The following EFR3A variants were observed in gnomAD, a reference collection of about 807,000 sequenced individuals.
EFR3A encodes the protein protein EFR3 homolog A.
Under a neutral mutation model 104.4 loss-of-function variants are expected in EFR3A, and 76 were observed. The ratio of observed to expected loss-of-function variants is 0.73; its 90% confidence interval spans 0.60 to 0.88. The LOEUF (loss-of-function observed/expected upper bound fraction) is 0.88, where lower values mean the gene tolerates loss of function less well. EFR3A is among the 40% of genes least tolerant of loss of function. The pLI is 0.00. For missense variants in EFR3A, 985 were observed against 1,012.5 expected, an observed-to-expected ratio of 0.97 and a Z score of 0.37; for synonymous variants, 330 against 330.0, an observed-to-expected ratio of 1.00 and a Z score of 0.00.
chr8:131,985,005 T>G lies in EFR3A; in HGVS notation c.1814T>G (p.Leu605Arg). 6.2e-7 allele frequency: 1 copy of G among 1,613,678 alleles called. No individual in the cohort carries two copies. Residue 605 changes from leucine to arginine, a missense_variant, in exon 16 of 23, where the codon CTC (leucine) becomes CGC (arginine). Coordinates refer to ENST00000254624, the MANE Select transcript of EFR3A (RefSeq NM_015137.6). ...CGIMALVAAYLNFVSQMIAVP... is the reference protein window; with the variant it reads ...CGIMALVAAYRNFVSQMIAVP... The stretch of plus-strand genomic sequence containing the variant: ...ATCATGGCACTGGTTGCAGCATACC[T>G]CAACTTTGTAAGTCAGATGATAGCT...
intron 17 of EFR3A, 76 bp from the exon 18 acceptor site, chr8:131,987,499 G>C (rs1300599578): frequency 1.4e-6 from 2 of 1,438,178 alleles, no homozygotes; most frequent in African/African-American, 2.9e-5. Flanking sequence ...CTTTTGCTCT[G>C]GAATGTTTTG....
At chr8:131,950,115 C>A (rs201082963) in intron 5 of EFR3A, 25 bp downstream of exon 5, 53 of 1,566,258 alleles carry the variant, frequency 3.4e-5, no homozygotes, top group Non-Finnish European at 4.1e-5. Context: ...ACTTTATGAT[C>A]TATAGTAAGT....
At chr8:131,943,356 T>C (rs10956625) in intron 2 of EFR3A, among the ~76,000 whole-genome samples, 74,563 of 151,804 alleles carry the variant, frequency 0.49, 18,491 homozygotes, top group Middle Eastern at 0.57. Context: ...TAGATTATTC[T>C]TCAATAAAAT....
intron 19 of EFR3A, among the ~76,000 whole-genome samples, chr8:131,996,972 A>C (rs920093875): frequency 6.6e-6 from 1 of 152,092 alleles, no homozygotes; most frequent in Non-Finnish European, 1.5e-5. Flanking sequence ...AAAATGTTTT[A>C]ATTATTTTGG....
chr8:131,955,735 T>A, intron 6 of EFR3A, 33 bp from the exon 7 acceptor site: 1 of 1,585,810 alleles, frequency 6.3e-7, no homozygotes, highest in South Asian at 1.2e-5. Flanking sequence ...ATTAAAATTC[T>A]TGTGTTTTTC....
intron 6 of EFR3A, among the ~76,000 whole-genome samples, chr8:131,954,771 T>C (rs1373704690): frequency 6.6e-6 from 1 of 151,816 alleles, no homozygotes; most frequent in African/African-American, 2.4e-5. Context: ...GGAATCAAAT[T>C]TAAAAGTGAT....
At chr8:132,001,273 G>T (rs1173583945) in intron 19 of EFR3A, among the ~76,000 whole-genome samples, 3 of 152,112 alleles carry the variant, frequency 2.0e-5, no homozygotes, top group African/African-American at 7.2e-5. Flanking sequence ...TAAAATCTTA[G>T]TTTTCCTTTT....
chr8:132,005,481 C>A (rs1014010638), intron 22 of EFR3A, among the ~76,000 whole-genome samples: 2 of 151,772 alleles, frequency 1.3e-5, no homozygotes, highest in Admixed American at 6.6e-5. Flanking sequence ...GAATAAGCAG[C>A]CTCACAGATA....
At chr8:131,938,387 A>G (rs995239623) in intron 1 of EFR3A, 2 of 394,014 alleles carry the variant, frequency 5.1e-6, no homozygotes, top group African/African-American at 4.1e-5. Flanking sequence ...TTAAAAGTCT[A>G]TATAGTAATT....
At chr8:131,918,156 G>A (rs369842963) in intron 1 of EFR3A, among the ~76,000 whole-genome samples, 13 of 152,192 alleles carry the variant, frequency 8.5e-5, no homozygotes, top group African/African-American at 2.6e-4. Flanking sequence ...GCGTGGTGGC[G>A]CATGCCTGCA....
Position 131,904,257 on chromosome 8 carries a change from C to A in EFR3A, c.-56C>A. The A allele has an allele frequency of 7.8e-7, 1 of 1,282,460 alleles. No homozygotes were observed. The allele number at this position is 1,282,460 out of a possible 1,614,324, so 79.4% of individuals were successfully genotyped here. ...AACGGCCGTCATGGTGCCGTCGGCG[C>A]TCCCTGCGCGGCCCCGCTGAGCCTC... On this transcript the variant is annotated 5_prime_UTR_variant, in exon 1 of 23. Coordinates refer to ENST00000254624, the MANE Select transcript of EFR3A (RefSeq NM_015137.6).
chr8:131,917,072 A>G (rs908604878), intron 1 of EFR3A, among the ~76,000 whole-genome samples: 2 of 152,232 alleles, frequency 1.3e-5, no homozygotes, highest in Non-Finnish European at 2.9e-5. Context: ...AATAATATAG[A>G]ACTAAACTGT....
At position 131,975,410 on chromosome 8, in the gene EFR3A, CTATTTT is replaced by C. The variant is rs1242851547; in HGVS notation, c.1160-615_1160-610del. On this transcript the variant is annotated intron_variant, in intron 10 of 22. Transcript: ENST00000254624. ...AATATTTTTCCTTCTTTTTTTTTTC[CTATTTT>C]TTTTTTTTTTTTTTTTGGAGACAGA... Among the ~76,000 whole-genome samples, 27 of 102,202 alleles carry C rather than the reference CTATTTT, an allele frequency of 2.6e-4. No homozygotes were observed. The East Asian group carries it at 7.8e-3, about 30-fold the overall frequency. 67.0% of individuals were successfully genotyped at this position (102,202 alleles called of 152,430 possible).
chr8:131,987,101 A>G (rs2036355), intron 17 of EFR3A, among the ~76,000 whole-genome samples: 133,645 of 152,142 alleles, frequency 0.88, 59,009 homozygotes, highest in African/African-American at 0.97. Flanking sequence ...AAGCATCAGC[A>G]TAAGATAATA....
chr8:131,978,811 T>C, intron 12 of EFR3A, 36 bp from the exon 13 acceptor site: 1 of 1,426,526 alleles, frequency 7.0e-7, no homozygotes. Flanking sequence ...AAAGGACTCA[T>C]GACAAAAGGT....
chr8:131,946,411 T>C (rs1361543869), intron 3 of EFR3A, 72 bp from the exon 4 acceptor site: 5 of 1,344,410 alleles, frequency 3.7e-6, no homozygotes, highest in Non-Finnish European at 4.9e-6. Context: ...ATTTCAGTTC[T>C]TCCAATGTAA....
intron 1 of EFR3A, chr8:131,938,236 T>TGAA (rs1818005228): frequency 1.5e-5 from 6 of 397,888 alleles, no homozygotes; most frequent in Non-Finnish European, 2.7e-5. Context: ...TGAAGGACTA[T>TGAA]GTTCAGGTAC....
At chr8:131,909,609 A>G (rs541150755) in intron 1 of EFR3A, among the ~76,000 whole-genome samples, 38 of 152,198 alleles carry the variant, frequency 2.5e-4, no homozygotes, top group Admixed American at 5.2e-4. Context: ...TCTGTACCAC[A>G]TTTGAGGTCT....
chr8:131,936,921 T>C (rs1817925436), intron 1 of EFR3A, among the ~76,000 whole-genome samples: 1 of 152,030 alleles, frequency 6.6e-6, no homozygotes, highest in Non-Finnish European at 1.5e-5. Flanking sequence ...AAGGCGCGAT[T>C]GATTAAATCA....
Sources: allele counts gnomAD v4.1 joint callset (sites outside exome capture counted in the v4.1 genomes callset), GRCh38; gene constraint gnomAD v4.1.1; transcripts MANE v1.5; gene names NCBI Gene and HGNC (gene_info 2026-07-23, HGNC 2026-07-21).